ADGRE3: variants seen among roughly 807,000 people sequenced by gnomAD.
ADGRE3 encodes EGF-like module receptor 3.
ADGRE3 carries 88 observed loss-of-function variants against 80.1 expected under a neutral mutation model. That is an observed-to-expected ratio of 1.10 (90% CI 0.93 to 1.31). The LOEUF (loss-of-function observed/expected upper bound fraction) is 1.31. ADGRE3 is among the 40% of genes most tolerant of loss of function. The pLI, the probability that ADGRE3 is intolerant of heterozygous loss-of-function variation, is 0.00. For synonymous variants in ADGRE3, 281 were observed against 294.8 expected, an observed-to-expected ratio of 0.95 and a Z score of 0.48; for missense variants, 715 against 776.5, an observed-to-expected ratio of 0.92 and a Z score of 0.94.
the ADGRE3 span, among the ~76,000 whole-genome samples, chr19:14,607,674 G>A: frequency 6.6e-6 from 1 of 151,586 alleles, no homozygotes; most frequent in East Asian, 1.9e-4. Context: ...CTCCCAGGTA[G>A]AGGTTGATTC....
rs769054109 is a variant in ADGRE3, at chr19:14,633,011, G to A, written c.1553C>T (p.Ala518Val). Residue 518 changes from alanine to valine, a missense_variant and splice_region_variant, in exon 13 of 16, where the codon GCG (alanine) becomes GTG (valine). Transcript: ENST00000253673. ...FLGPVCAIFS[A>V]NLVLFILVFW... ...GACCAAGATAAACAATACTAAATTC[G>A]CCTGCAGGACCAACACAAACAAGGC... The A allele has an allele frequency of 6.2e-7, 1 of 1,612,172 alleles. No homozygotes were observed. Among genetic ancestry groups the A allele is most frequent in the South Asian group, 1.1e-5 (1 of 91,024 alleles).
rs1180935621 is a variant in ADGRE3 at position 14,641,474 on chromosome 19, C to A, written c.1193G>T (p.Cys398Phe). 1 of 1,614,024 alleles carries A rather than the reference C, an allele frequency of 6.2e-7. No individual in the cohort carries two copies. Among genetic ancestry groups the A allele is most frequent in the Non-Finnish European group, 8.5e-7 (1 of 1,180,040 alleles). The part of the protein sequence containing the change: ...STSLHLQLSL[C>F]LFLAHLLFLV... ...GAAGAGGAGGTGGGCCAGGAAGAGG[C>A]AGAGCGAGAGCTGCAGATGCAGTGA... is the stretch of plus-strand genomic sequence containing the variant. The change falls in exon 10 of 16, where the codon TGC becomes TTC. Residue 398 changes from cysteine (C) to phenylalanine (F), a missense_variant. Physicochemically the swap from Cys to Phe is radical, Grantham distance 205. Transcript: ENST00000253673.
rs1219016249 is a variant in ADGRE3, at chr19:14,620,564, A to T, written c.1921-1093T>A. Among the ~76,000 whole-genome samples the T allele has an allele frequency of 2.4e-3, 81 of 34,312 alleles. 8 individuals carry two copies. Among genetic ancestry groups the T allele is most frequent in the African/African-American group, 3.5e-3 (30 of 8,552 alleles). 22.5% of individuals were successfully genotyped at this position (34,312 alleles called of 152,430 possible). A position where few individuals can be genotyped will look rare whatever the true frequency, so the allele number is the denominator to read the frequency against. Reference sequence around the variant, plus strand: ...ATATATATATTATATATATATATATATATATTTTTTTTTTTTTTTTTTTTT... The same window carrying T: ...ATATATATATTATATATATATATATTTATATTTTTTTTTTTTTTTTTTTTT... On this transcript the variant is annotated intron_variant, in intron 15 of 15. Coordinates refer to ENST00000253673, the MANE Select transcript of ADGRE3 (RefSeq NM_032571.5).
chr19:14,611,395 T>A, the ADGRE3 span, among the ~76,000 whole-genome samples: 2 of 98,574 alleles, frequency 2.0e-5, no homozygotes, highest in Admixed American at 1.1e-4. Flanking sequence ...TTTTTTTTTT[T>A]GAGATAGGGT....
chr19:14,658,571 G>A (rs751812654), intron 4 of ADGRE3, 21 bp from the exon 5 acceptor site: 143 of 1,544,060 alleles, frequency 9.3e-5, no homozygotes, highest in Non-Finnish European at 9.5e-5. Context: ...CATCATGATG[G>A]AGTTACTATT....
Position 14,662,090 on chromosome 19 carries a change from A to G in ADGRE3, c.228T>C (p.Ser76=), listed in dbSNP as rs761975631. The G allele has an allele frequency of 1.2e-6, 2 of 1,614,134 alleles. No individual in the cohort carries two copies. Among genetic ancestry groups the G allele is most frequent in the East Asian group, 2.2e-5 (1 of 44,884 alleles). ...ACACAGCGTTAAATCCACAATATAC[A>G]CTATAGGGTGGTGTACATTCATTAA... ...NDINECTPPY[S]VYCGFNAVCY... is the part of the protein sequence containing the mutation. The change falls in exon 4 of 16, where the codon AGT becomes AGC. Residue 76 remains serine (S), a synonymous_variant. Coordinates refer to ENST00000253673, the MANE Select transcript of ADGRE3 (RefSeq NM_032571.5).
chr19:14,654,580 A>G (rs950702648), intron 6 of ADGRE3, among the ~76,000 whole-genome samples: 6 of 152,252 alleles, frequency 3.9e-5, no homozygotes, highest in Admixed American at 3.3e-4. Context: ...ACTACATTTA[A>G]GTGAAAATTC....
At chr19:14,601,687 T>C in the ADGRE3 span, among the ~76,000 whole-genome samples, 5 of 152,140 alleles carry the variant, frequency 3.3e-5, 1 homozygote, top group Non-Finnish European at 7.4e-5. Flanking sequence ...GGTATAATCA[T>C]AGCTCGTTGC....
At chr19:14,617,254 T>TCTTC (rs1200239121), downstream of ADGRE3, among the ~76,000 whole-genome samples, 1 of 151,514 alleles carries the variant, frequency 6.6e-6, no homozygotes. Context: ...CTTTTTTCTT[T>TCTTC]CTTCCTTCCT....
In ADGRE3 at chr19:14,619,222, G is replaced by T; in HGVS notation, c.*211C>A. ...CTTTGGGTTTCCAGGGACAAGCATT[G>T]ACTGAATACACCATAGTGAAGAGAA... is the stretch of plus-strand genomic sequence containing the variant. On this transcript the variant is annotated 3_prime_UTR_variant, in exon 16 of 16. Coordinates refer to ENST00000253673, the MANE Select transcript of ADGRE3 (RefSeq NM_032571.5). 1 of 547,858 alleles carries T rather than the reference G, an allele frequency of 1.8e-6. No homozygotes were observed. The highest frequency in any genetic ancestry group is 3.7e-5 in the Admixed American group (1 of 26,780). 33.9% of individuals were successfully genotyped at this position (547,858 alleles called of 1,614,324 possible). A position where few individuals can be genotyped will look rare whatever the true frequency, so the allele number is the denominator to read the frequency against.
chr19:14,641,700 C>G, intron 9 of ADGRE3, 84 bp from the exon 10 acceptor site: 1 of 1,530,324 alleles, frequency 6.5e-7, no homozygotes, highest in East Asian at 2.4e-5. Context: ...ATCCTAGACA[C>G]AGGCACCAAG....
chr19:14,636,075 C>CCCTTTCTTTCTTT (rs1555755774), intron 11 of ADGRE3, among the ~76,000 whole-genome samples: 1 of 70,592 alleles, frequency 1.4e-5, no homozygotes, highest in Non-Finnish European at 2.8e-5. Context: ...CCTTTCCTTT[C>CCCTTTCTTTCTTT]CTTTCCCTTT....
At chr19:14,607,065 G>A in the ADGRE3 span, 2 of 1,347,588 alleles carry the variant, frequency 1.5e-6, no homozygotes, top group Non-Finnish European at 1.9e-6. Flanking sequence ...CCAGGAAGGG[G>A]ACTGGAGGTG....
chr19:14,640,424 G>A (rs1318706973), intron 10 of ADGRE3, among the ~76,000 whole-genome samples: 1 of 151,906 alleles, frequency 6.6e-6, no homozygotes, highest in East Asian at 1.9e-4. Context: ...CAAGTAGCTG[G>A]GATTACAGGT....
At chr19:14,607,799 C>A in the ADGRE3 span, among the ~76,000 whole-genome samples, 1 of 151,614 alleles carries the variant, frequency 6.6e-6, no homozygotes, top group African/African-American at 2.4e-5. Context: ...TGGTCTTGAA[C>A]TCCTGACCTC....
intron 11 of ADGRE3, among the ~76,000 whole-genome samples, chr19:14,635,488 T>A (rs1463667536): frequency 6.6e-6 from 1 of 151,162 alleles, no homozygotes; most frequent in East Asian, 1.9e-4. Context: ...CTCAGCTCAC[T>A]GCAACCTCCA....
the ADGRE3 span, chr19:14,610,269 C>T: frequency 5.1e-5 from 78 of 1,528,684 alleles, no homozygotes; most frequent in African/African-American, 3.0e-4. Context: ...CTTTCGTGGA[C>T]GGCCTTGCCT....
At chr19:14,652,650 C>T (rs1432705234) in intron 6 of ADGRE3, among the ~76,000 whole-genome samples, 2 of 151,518 alleles carry the variant, frequency 1.3e-5, no homozygotes, top group Non-Finnish European at 1.5e-5. Flanking sequence ...TGGTGGCAGG[C>T]ACCTTTAATC....
intron 1 of ADGRE3, among the ~76,000 whole-genome samples, chr19:14,671,373 C>T (rs1302802753): frequency 6.6e-6 from 1 of 152,090 alleles, no homozygotes; most frequent in Non-Finnish European, 1.5e-5. Flanking sequence ...GCCTGCATTT[C>T]TTGGCTCACG....
Sources: gnomAD v4.1 joint callset for allele counts (sites outside exome capture counted in the v4.1 genomes callset) on GRCh38, gnomAD v4.1.1 for gene constraint, MANE v1.5 for transcripts, NCBI Gene and HGNC (gene_info 2026-07-23, HGNC 2026-07-21) for gene names.